The following ARHGEF10 variants were observed in gnomAD, a reference collection of about 807,000 sequenced individuals.
ARHGEF10 encodes the protein Rho guanine nucleotide exchange factor 10.
In ARHGEF10, 140 loss-of-function variants were observed where a neutral mutation model predicts 147.4. The observed-to-expected ratio is 0.95, with a 90% CI of 0.83 to 1.09. The LOEUF (loss-of-function observed/expected upper bound fraction) is 1.09. ARHGEF10 is among the 50% of genes least tolerant of loss of function. The pLI is 0.00. For missense variants in ARHGEF10, 2,222 were observed against 1,752.7 expected (o/e 1.27, Z -4.78); for synonymous variants, 902 against 695.8 (o/e 1.30, Z -4.67).
At chr8:1,914,127 C>T (rs78834451) in intron 18 of ARHGEF10, among the ~76,000 whole-genome samples, 1 of 152,224 alleles carries the variant, frequency 6.6e-6, no homozygotes, top group Non-Finnish European at 1.5e-5. Context: ...GACTTACAGT[C>T]TTTAAATAGA....
chr8:1,910,581 G>T (rs1811282570), intron 18 of ARHGEF10, among the ~76,000 whole-genome samples: 2 of 152,200 alleles, frequency 1.3e-5, no homozygotes, highest in Admixed American at 1.3e-4. Context: ...CAAAAGAGCT[G>T]TTCTGGGGGG....
In ARHGEF10 at chr8:1,905,637, A is replaced by C; in HGVS notation, c.1888A>C (p.Arg630=). The C allele has an allele frequency of 6.2e-7, 1 of 1,614,224 alleles. No individual in the cohort carries two copies. The highest frequency in any genetic ancestry group is 8.5e-7 in the Non-Finnish European group (1 of 1,180,038). Residue 630 remains arginine (R), a synonymous_variant, in exon 17 of 29, where the codon AGA becomes CGA. Coordinates refer to ENST00000349830, the MANE Select transcript of ARHGEF10 (RefSeq NM_014629.4). ...DDMIETVYND[R]GEIVKTKERR... The stretch of plus-strand genomic sequence containing the variant: ...TATGATAGAAACAGTTTACAACGAC[A>C]GAGGAGAGATTGTTAAAACCAAAGA...
At position 1,909,302 on chromosome 8, in the gene ARHGEF10, C is replaced by G; in HGVS notation, c.1975C>G (p.His659Asp). The G allele has an allele frequency of 6.2e-7, 1 of 1,614,232 alleles. No individual in the cohort carries two copies. Among genetic ancestry groups the G allele is most frequent in the Non-Finnish European group, 8.5e-7 (1 of 1,180,044 alleles). ...MCATVSSRPS[H>D]DSRVMSSQRY... Reference sequence around the variant, plus strand: ...ATCTTTTGGTCGTTTCAGCCCCTCTCATGACAGCCGTGTGATGAGCAGCCA... The same window carrying G: ...ATCTTTTGGTCGTTTCAGCCCCTCTGATGACAGCCGTGTGATGAGCAGCCA... Residue 659 changes from histidine (H) to aspartate (D), a missense_variant, in exon 18 of 29, where the codon CAT (histidine) becomes GAT (aspartate). Physicochemically the swap from His to Asp is moderately conservative, Grantham distance 81 (BLOSUM62 -1). Coordinates refer to ENST00000349830, the MANE Select transcript of ARHGEF10 (RefSeq NM_014629.4).
chr8:1,923,742 T>G, intron 20 of ARHGEF10, 32 bp from the exon 21 acceptor site: 1 of 1,614,064 alleles, frequency 6.2e-7, no homozygotes, highest in Admixed American at 1.7e-5. Flanking sequence ...GCACGTTTTA[T>G]AAAATGAATG....
Position 1,937,283 on chromosome 8 carries a change from C to T in ARHGEF10, c.3222+3341C>T, listed in dbSNP as rs1813692247. 6.6e-6 allele frequency among the ~76,000 whole-genome samples: 1 copy of T among 152,122 alleles called. No individual in the cohort carries two copies. Among genetic ancestry groups the T allele is most frequent in the South Asian group, 2.1e-4 (1 of 4,822 alleles). ...GCTAGTGCGGCCATGCAGGGTAGCC[C>T]CGTGGATGCGGTCACAGCTTCTTGA... On this transcript the variant is annotated intron_variant, in intron 26 of 28. Transcript: ENST00000349830. The surrounding 1 kb of genome is among the most constrained non-coding windows in gnomAD (Gnocchi z 4.9).
chr8:1,938,898 C>A (rs906677348), intron 26 of ARHGEF10, among the ~76,000 whole-genome samples: 6 of 149,390 alleles, frequency 4.0e-5, no homozygotes, highest in African/African-American at 1.5e-4. Context: ...CCCCCAAACA[C>A]TGTGGAATCC....
At chr8:1,857,193 A>G (rs1585283073) in intron 2 of ARHGEF10, among the ~76,000 whole-genome samples, 2 of 152,334 alleles carry the variant, frequency 1.3e-5, no homozygotes, top group East Asian at 3.9e-4. Context: ...TTTTCTAACC[A>G]TCAGAGATAT....
intron 2 of ARHGEF10, among the ~76,000 whole-genome samples, chr8:1,851,364 A>G (rs185796066): frequency 1.9e-3 from 245 of 128,960 alleles, no homozygotes; most frequent in African/African-American, 7.1e-3. Flanking sequence ...AGTTAGTGAC[A>G]TACCTCATTG....
At chr8:1,863,482 G>A (rs1412984595) in intron 4 of ARHGEF10, among the ~76,000 whole-genome samples, 2 of 152,210 alleles carry the variant, frequency 1.3e-5, no homozygotes, top group African/African-American at 4.8e-5. Context: ...GTGTTTCATG[G>A]ACAGCTGCCA....
At chr8:1,903,557 C>A (rs1307621610) in intron 16 of ARHGEF10, 106 bp downstream of exon 16, 2 of 1,447,452 alleles carry the variant, frequency 1.4e-6, no homozygotes, top group East Asian at 2.4e-5. Flanking sequence ...TGGAGTAATT[C>A]CCTTCGCCCA....
In ARHGEF10 at chr8:1,923,614, A is replaced by G. The variant is rs1455706479; in HGVS notation, c.2387+19A>G. 6.2e-7 allele frequency: 1 copy of G among 1,613,982 alleles called. No individual in the cohort carries two copies. Among genetic ancestry groups the G allele is most frequent in the Non-Finnish European group, 8.5e-7 (1 of 1,180,032 alleles). On this transcript the variant is annotated intron_variant, in intron 20 of 28. Coordinates refer to ENST00000349830, the MANE Select transcript of ARHGEF10 (RefSeq NM_014629.4). ...AGGACAAGTTAGTAGTAGCTTTAAAACGAAACCTTCTTGGCCAATGCTGGG... is the reference window on the plus strand; with the variant it reads ...AGGACAAGTTAGTAGTAGCTTTAAAGCGAAACCTTCTTGGCCAATGCTGGG...
At chr8:1,907,268 AC>A (rs1262115153) in intron 17 of ARHGEF10, among the ~76,000 whole-genome samples, 1 of 151,744 alleles carries the variant, frequency 6.6e-6, no homozygotes, top group African/African-American at 2.4e-5. Context: ...CTGTCCCAGA[AC>A]CCCCCTCTCC....
intron 15 of ARHGEF10, among the ~76,000 whole-genome samples, chr8:1,902,358 C>G (rs1331859358): frequency 1.3e-5 from 2 of 152,178 alleles, no homozygotes; most frequent in African/African-American, 4.8e-5. Flanking sequence ...CCTTTTGTTA[C>G]TGCCTGTTAA....
intron 7 of ARHGEF10, 86 bp from the exon 8 acceptor site, chr8:1,876,485 A>G: frequency 1.5e-6 from 2 of 1,364,138 alleles, no homozygotes; most frequent in South Asian, 1.2e-5. Context: ...CCAGCTCTAG[A>G]TGATTTGGTA....
Position 1,885,702 on chromosome 8 carries a change from C to A in ARHGEF10, c.1177C>A (p.Gln393Lys). ...CCCGATGCCCGAGGGTTTATCTCAGCAGCAGGTGAGATGAGCAGAGCTGAC... is the reference window on the plus strand; with the variant it reads ...CCCGATGCCCGAGGGTTTATCTCAGAAGCAGGTGAGATGAGCAGAGCTGAC... ...LTPMPEGLSQ[Q>K]QVVRRYILGS... The change falls in exon 11 of 29, where the codon CAG (glutamine) becomes AAG (lysine). Residue 393 changes from glutamine (Q) to lysine (K), a missense_variant. Gln to Lys is a moderately conservative substitution (Grantham distance 53). Coordinates refer to ENST00000349830, the MANE Select transcript of ARHGEF10 (RefSeq NM_014629.4). 6.2e-7 allele frequency: 1 copy of A among 1,613,116 alleles called. No individual in the cohort carries two copies. The highest frequency in any genetic ancestry group is 8.5e-7 in the Non-Finnish European group (1 of 1,179,176).
chr8:1,857,820 A>G, intron 2 of ARHGEF10, 140 bp from the exon 3 acceptor site: 1 of 755,416 alleles, frequency 1.3e-6, no homozygotes, highest in East Asian at 2.7e-5. Context: ...AAGGTTAACT[A>G]CAAGCGCAGT....
intron 28 of ARHGEF10, 92 bp downstream of exon 28, chr8:1,952,919 C>T: frequency 1.3e-6 from 2 of 1,546,402 alleles, no homozygotes; most frequent in Admixed American, 1.7e-5. Flanking sequence ...TCCTAGGATT[C>T]TTTAAACAAT....
chr8:1,834,684 C>T (rs999792345), intron 1 of ARHGEF10, among the ~76,000 whole-genome samples: 3 of 152,212 alleles, frequency 2.0e-5, no homozygotes, highest in South Asian at 2.1e-4. Flanking sequence ...TGGCTTGCTG[C>T]GGTGTTTGGT....
chr8:1,832,102 C>T (rs778860894), intron 1 of ARHGEF10, among the ~76,000 whole-genome samples: 1 of 152,176 alleles, frequency 6.6e-6, no homozygotes, highest in African/African-American at 2.4e-5. Context: ...GTTTAGTCCA[C>T]CCAGGGGGTC....
Sources: gnomAD v4.1 joint callset for allele counts (sites outside exome capture counted in the v4.1 genomes callset) on GRCh38, gnomAD v4.1.1 for gene constraint, Gnocchi (gnomAD v3.1) non-coding constraint, MANE v1.5 for transcripts, NCBI Gene and HGNC (gene_info 2026-07-23, HGNC 2026-07-21) for gene names.